Variants in LNX2 observed in about 807,000 individuals in gnomAD.
LNX2 encodes the protein ligand of numb-protein X 2.
In LNX2, 35 loss-of-function variants were observed where a neutral mutation model predicts 66.2. That is an observed-to-expected ratio of 0.53 (90% CI 0.40 to 0.70). LNX2 has a LOEUF of 0.70. Among genes scored for constraint, LNX2 ranks in the 30% least tolerant of loss-of-function variants. The pLI is 0.00. For missense variants in LNX2, 791 were observed against 850.8 expected (o/e 0.93, Z 0.87); for synonymous variants, 337 against 315.6 (o/e 1.07, Z -0.72).
chr13:27,567,899 A>G, intron 3 of LNX2, 60 bp from the exon 4 acceptor site: 1 of 1,347,634 alleles, frequency 7.4e-7, no homozygotes, highest in Non-Finnish European at 1.1e-6. Context: ...CAAACCCAAC[A>G]ATTTATATTC....
intron 1 of LNX2, among the ~76,000 whole-genome samples, chr13:27,596,543 C>G (rs1261015443): frequency 6.6e-6 from 1 of 152,124 alleles, no homozygotes; most frequent in Non-Finnish European, 1.5e-5. Flanking sequence ...AGCCCTAGAC[C>G]AATTCCATTT....
chr13:27,569,681 C>A (rs995116218), intron 2 of LNX2, among the ~76,000 whole-genome samples: 1 of 152,102 alleles, frequency 6.6e-6, no homozygotes. Context: ...CAAGTGGTTG[C>A]GTCCTGACTT....
At chr13:27,583,228 G>GCGCGTCCTCTCCTATATAAC (rs1555268496) in intron 1 of LNX2, among the ~76,000 whole-genome samples, 3 of 27,840 alleles carry the variant, frequency 1.1e-4, no homozygotes, top group African/African-American at 4.5e-4. Context: ...GTGTGTGTGT[G>GCGCGTCCTCTCCTATATAAC]TGTGTGTGTG....
intron 2 of LNX2, among the ~76,000 whole-genome samples, chr13:27,573,324 C>CT (rs531159831): frequency 1.1e-4 from 17 of 151,668 alleles, no homozygotes; most frequent in South Asian, 1.0e-3. Flanking sequence ...CTTTTTTCTT[C>CT]TTTTTTTTCC....
At chr13:27,584,925 C>G (rs558430520) in intron 1 of LNX2, among the ~76,000 whole-genome samples, 1 of 149,928 alleles carries the variant, frequency 6.7e-6, no homozygotes, top group South Asian at 2.1e-4. Flanking sequence ...TGAGACCAGG[C>G]TGGCCAACAT....
chr13:27,583,221 T>C (rs865775177), intron 1 of LNX2, among the ~76,000 whole-genome samples: 2,962 of 18,110 alleles, frequency 0.16, 231 homozygotes, highest in African/African-American at 0.26. Flanking sequence ...TGTGTGTGTG[T>C]GTGTGTGTGT....
rs557314948 is a variant in LNX2 at position 27,615,963 on chromosome 13, C to A, written c.-101+4412G>T. ...TGTCAACAAAAAGAGTCAAACTCTG[C>A]AACATATTTGAAGAGATTTATCGTG... On this transcript the variant is annotated intron_variant, in intron 1 of 9. Transcript: ENST00000316334. Among the ~76,000 whole-genome samples the A allele has an allele frequency of 6.6e-5, 10 of 152,238 alleles. No individual in the cohort carries two copies. The East Asian group carries it at 1.9e-3, about 29-fold the overall frequency.
rs767970320 is a variant in LNX2, at chr13:27,569,294, G to C, written c.408-18C>G. 55 of 1,601,294 alleles carry C rather than the reference G, an allele frequency of 3.4e-5. No individual in the cohort carries two copies. The highest frequency in any genetic ancestry group is 4.6e-5 in the Non-Finnish European group (54 of 1,176,364). On this transcript the variant is annotated intron_variant, in intron 2 of 9. Coordinates refer to ENST00000316334, the MANE Select transcript of LNX2 (RefSeq NM_153371.4). Reference sequence around the variant, plus strand: ...CAGGACATCTAGAAAAAGAATATCAGATGGTTTCCAGATGATTTTGAAAAC... The same window carrying C: ...CAGGACATCTAGAAAAAGAATATCACATGGTTTCCAGATGATTTTGAAAAC...
Position 27,553,323 on chromosome 13 carries a change from C to CCT in LNX2, c.1661_1662dup (p.Val555ArgfsTer48). The CCT allele has an allele frequency of 6.2e-7, 1 of 1,614,174 alleles. No homozygotes were observed. The highest frequency in any genetic ancestry group is 8.5e-7 in the Non-Finnish European group (1 of 1,180,022). On this transcript the variant is annotated frameshift_variant, in exon 8 of 10. Transcript: ENST00000316334. LOFTEE classifies it high-confidence loss of function. Reference sequence around the variant, plus strand: ...TGAGTCGCCTCCTCAACAATCTGGACCTCAAGTGCTTTAAGGGCAACAGCA... The same window carrying CCT: ...TGAGTCGCCTCCTCAACAATCTGGACCTCTCAAGTGCTTTAAGGGCAACAGCA...
intron 1 of LNX2, among the ~76,000 whole-genome samples, chr13:27,598,774 G>A (rs1955626102): frequency 1.3e-5 from 2 of 152,012 alleles, no homozygotes; most frequent in Admixed American, 1.3e-4. Context: ...TAAGCAGGCT[G>A]CACAAACCAA....
intron 1 of LNX2, among the ~76,000 whole-genome samples, chr13:27,605,732 T>C (rs997747840): frequency 2.6e-5 from 4 of 152,168 alleles, no homozygotes; most frequent in African/African-American, 9.7e-5. Flanking sequence ...AAACTTAAAG[T>C]TCCTAGCTCA....
intron 1 of LNX2, among the ~76,000 whole-genome samples, chr13:27,593,129 C>T (rs556494653): frequency 6.6e-6 from 1 of 152,300 alleles, no homozygotes; most frequent in Admixed American, 6.5e-5. Flanking sequence ...TTATGATTTG[C>T]ATCTGTCTAC....
intron 1 of LNX2, among the ~76,000 whole-genome samples, 187 bp from the exon 2 acceptor site, chr13:27,581,990 T>C (rs1012455572): frequency 6.6e-6 from 1 of 152,138 alleles, no homozygotes; most frequent in African/African-American, 2.4e-5. Flanking sequence ...CACTGCCAAG[T>C]TCTTTTTTAT....
intron 1 of LNX2, among the ~76,000 whole-genome samples, chr13:27,606,210 A>G (rs992411042): frequency 6.6e-6 from 1 of 152,200 alleles, no homozygotes; most frequent in Non-Finnish European, 1.5e-5. Flanking sequence ...TTTTTAGCAG[A>G]ATTAGTGTAC....
At chr13:27,572,684 A>G (rs1369981948) in intron 2 of LNX2, among the ~76,000 whole-genome samples, 1 of 152,232 alleles carries the variant, frequency 6.6e-6, no homozygotes, top group Middle Eastern at 3.2e-3. Flanking sequence ...CTACAGTGAC[A>G]TCATTCCCTG....
chr13:27,565,591 A>C (rs948306396), intron 4 of LNX2, among the ~76,000 whole-genome samples: 1 of 152,194 alleles, frequency 6.6e-6, no homozygotes, highest in African/African-American at 2.4e-5. Context: ...TACTAATATC[A>C]TAAAATGCAG....
chr13:27,573,102 C>T (rs563598285), intron 2 of LNX2, among the ~76,000 whole-genome samples: 1 of 152,166 alleles, frequency 6.6e-6, no homozygotes, highest in Non-Finnish European at 1.5e-5. Context: ...AAATGGCTGA[C>T]TCTCAGTAAG....
chr13:27,556,174 T>G, intron 7 of LNX2, 62 bp downstream of exon 7: 1 of 1,473,864 alleles, frequency 6.8e-7, no homozygotes, highest in Non-Finnish European at 9.3e-7. Context: ...TTCTTTATTT[T>G]TTTAAATGTG....
In LNX2 at chr13:27,616,811, G is replaced by A. The variant is rs144122205; in HGVS notation, c.-101+3564C>T. ...ATCACCCAGGCTGGAGCGCAGTGGC[G>A]CAATCTCAGCTCACTGAAACCTCTA... On this transcript the variant is annotated intron_variant, in intron 1 of 9. Transcript: ENST00000316334. Among the ~76,000 whole-genome samples, 764 of 152,278 alleles carry A rather than the reference G, an allele frequency of 5.0e-3. 7 individuals carry two copies. The highest frequency in any genetic ancestry group is 0.017 in the African/African-American group (709 of 41,560).
Sources: allele counts gnomAD v4.1 joint callset (sites outside exome capture counted in the v4.1 genomes callset), GRCh38; gene constraint gnomAD v4.1.1; transcripts MANE v1.5; gene names NCBI Gene and HGNC (gene_info 2026-07-23, HGNC 2026-07-21).